The following RHOU variants were observed in gnomAD, a reference collection of about 807,000 sequenced individuals.
RHOU encodes rho-related GTP-binding protein RhoU.
RHOU carries 8 observed loss-of-function variants against 12.6 expected under a neutral mutation model. The observed-to-expected ratio is 0.64, with a 90% CI of 0.37 to 1.15. RHOU has a LOEUF of 1.15. Ranked by LOEUF, RHOU falls within the 50% of genes most tolerant of loss-of-function variation. The pLI is 0.01. For missense variants in RHOU, 258 were observed against 347.0 expected, an observed-to-expected ratio of 0.74 and a Z score of 2.04; for synonymous variants, 161 against 147.4, an observed-to-expected ratio of 1.09 and a Z score of -0.67.
chr1:228,706,167 G>A, the RHOU span, among the ~76,000 whole-genome samples: 1 of 152,210 alleles, frequency 6.6e-6, no homozygotes, highest in East Asian at 1.9e-4. Flanking sequence ...GAGAGCAATG[G>A]ATTCAATGGC....
chr1:228,690,618 G>A, the RHOU span, among the ~76,000 whole-genome samples: 1 of 147,638 alleles, frequency 6.8e-6, no homozygotes. Context: ...CACCAGGCCC[G>A]GCTGTTTGGT....
chr1:228,718,734 C>T, the RHOU span, among the ~76,000 whole-genome samples: 1 of 152,190 alleles, frequency 6.6e-6, no homozygotes, highest in African/African-American at 2.4e-5. Context: ...CTGTCTTTCT[C>T]ATCCAGAAGC....
chr1:228,664,532 A>T, the RHOU span, among the ~76,000 whole-genome samples: 1,410 of 152,296 alleles, frequency 9.3e-3, 12 homozygotes, highest in African/African-American at 0.021. Flanking sequence ...AAAACCCAAC[A>T]GTTTATTAAA....
the RHOU span, chr1:228,650,038 G>T: frequency 7.8e-6 from 3 of 383,978 alleles, no homozygotes; most frequent in Non-Finnish European, 1.5e-5. Context: ...GTTATCCACA[G>T]TTATTGTTTT....
rs148752853 is a variant in RHOU at position 228,742,593 on chromosome 1, G to A, written c.322-692G>A. Among the ~76,000 whole-genome samples the A allele has an allele frequency of 1.8e-3, 277 of 152,342 alleles. 2 individuals are homozygous for A. The highest frequency in any genetic ancestry group is 6.4e-3 in the African/African-American group (267 of 41,582). Reference sequence around the variant, plus strand: ...GAAGAGAAGATACAGCCAGAATGAGGATGTATTAACTAGTGTCTGTAAGTG... The same window carrying A: ...GAAGAGAAGATACAGCCAGAATGAGAATGTATTAACTAGTGTCTGTAAGTG... On this transcript the variant is annotated intron_variant, in intron 2 of 2. Transcript: ENST00000366691.
chr1:228,697,292 A>G, the RHOU span, among the ~76,000 whole-genome samples: 1 of 152,224 alleles, frequency 6.6e-6, no homozygotes, highest in Non-Finnish European at 1.5e-5. Context: ...ATGAAATTTT[A>G]TCTTGTGTAA....
chr1:228,734,120 A>AAAG (rs1043801581), upstream of RHOU, among the ~76,000 whole-genome samples: 1 of 152,158 alleles, frequency 6.6e-6, no homozygotes, highest in Non-Finnish European at 1.5e-5. Flanking sequence ...TGGCCTCTTC[A>AAAG]AAGTCACTCA....
chr1:228,719,694 C>T, the RHOU span, among the ~76,000 whole-genome samples: 9 of 152,130 alleles, frequency 5.9e-5, no homozygotes, highest in East Asian at 1.2e-3. Context: ...CACACCACTG[C>T]ACTCCAGCCC....
chr1:228,711,143 T>A, the RHOU span, among the ~76,000 whole-genome samples: 2 of 151,338 alleles, frequency 1.3e-5, no homozygotes, highest in Non-Finnish European at 2.9e-5. Flanking sequence ...AAACCACTGC[T>A]CAAGGAAATA....
chr1:228,727,764 T>C, the RHOU span, among the ~76,000 whole-genome samples: 1 of 152,208 alleles, frequency 6.6e-6, no homozygotes, highest in Non-Finnish European at 1.5e-5. Flanking sequence ...CTCATGATTC[T>C]AGAACTGCTG....
chr1:228,722,789 AT>A, the RHOU span, among the ~76,000 whole-genome samples: 20 of 151,780 alleles, frequency 1.3e-4, no homozygotes, highest in Non-Finnish European at 2.5e-4. Flanking sequence ...AGCCTGGCTA[AT>A]TTTTCTATTT....
At chr1:228,654,282 A>AT in the RHOU span, among the ~76,000 whole-genome samples, 1 of 151,994 alleles carries the variant, frequency 6.6e-6, no homozygotes, top group East Asian at 1.9e-4. Flanking sequence ...GTAATTTTTA[A>AT]TTTTTTTATA....
the RHOU span, among the ~76,000 whole-genome samples, chr1:228,690,678 C>T: frequency 2.0e-5 from 3 of 151,736 alleles, no homozygotes; most frequent in East Asian, 1.9e-4. Flanking sequence ...AGTGCAGTGG[C>T]GTGATCTCGG....
chr1:228,650,665 C>T, the RHOU span: 3 of 482,932 alleles, frequency 6.2e-6, no homozygotes, highest in Admixed American at 8.0e-5. Context: ...ACTCGTTTCA[C>T]TCGTTTCAAA....
the RHOU span, among the ~76,000 whole-genome samples, chr1:228,646,804 G>A: frequency 4.0e-5 from 6 of 151,468 alleles, no homozygotes; most frequent in Non-Finnish European, 7.4e-5. Flanking sequence ...GCAGACGCAC[G>A]CACACACACA....
the RHOU span, among the ~76,000 whole-genome samples, chr1:228,672,315 C>T: frequency 1.8e-3 from 271 of 152,232 alleles, 1 homozygote; most frequent in Non-Finnish European, 2.9e-3. Context: ...GTGCCCGCCA[C>T]CAGACACAGC....
the RHOU span, among the ~76,000 whole-genome samples, chr1:228,671,153 C>T: frequency 6.6e-6 from 1 of 152,028 alleles, no homozygotes; most frequent in Non-Finnish European, 1.5e-5. Context: ...TACAGGCATG[C>T]ATCATCATGC....
chr1:228,646,911 G>A, the RHOU span, among the ~76,000 whole-genome samples: 1 of 152,084 alleles, frequency 6.6e-6, no homozygotes, highest in Non-Finnish European at 1.5e-5. Context: ...GCGATCGAGA[G>A]AGACCGGAGA....
chr1:228,664,439 C>A, the RHOU span, among the ~76,000 whole-genome samples: 2 of 152,090 alleles, frequency 1.3e-5, no homozygotes, highest in African/African-American at 4.8e-5. Context: ...TGTTTGTACT[C>A]ATTTTCTCAG....
Sources: gnomAD v4.1 joint callset for allele counts (sites outside exome capture counted in the v4.1 genomes callset) on GRCh38, gnomAD v4.1.1 for gene constraint, MANE v1.5 for transcripts, NCBI Gene and HGNC (gene_info 2026-07-23, HGNC 2026-07-21) for gene names.